Variants in MAP3K3 observed in about 807,000 individuals in gnomAD.
MAP3K3 encodes the protein mitogen-activated protein kinase kinase kinase 3.
Under a neutral mutation model 80.9 loss-of-function variants are expected in MAP3K3, and 12 were observed. The observed-to-expected ratio is 0.15, with a 90% CI of 0.10 to 0.24. MAP3K3 has a LOEUF of 0.24. MAP3K3 is among the 10% of genes least tolerant of loss of function. The probability of loss-of-function intolerance (pLI) is 1.00; values close to 1 mark genes in which losing one functional copy is unlikely to be tolerated. For missense variants in MAP3K3, 596 were observed against 834.7 expected (o/e 0.71, Z 3.52); for synonymous variants, 272 against 307.1 (o/e 0.89, Z 1.19).
At position 63,689,967 on chromosome 17, in the gene MAP3K3, A is replaced by G. The variant is rs886090626; in HGVS notation, c.1063+232A>G. The G allele has an allele frequency of 2.9e-5, 17 of 579,844 alleles. No homozygotes were observed. Among genetic ancestry groups the G allele is most frequent in the Middle Eastern group, 4.5e-4 (1 of 2,206 alleles). 35.9% of individuals were successfully genotyped at this position (579,844 alleles called of 1,614,324 possible). A position where few individuals can be genotyped will look rare whatever the true frequency, so the allele number is the denominator to read the frequency against. The stretch of plus-strand genomic sequence containing the variant: ...CCATGTTTAAACTAGGGAAGAGCAC[A>G]CCCTTCATCCCTGCCATATTAAGAT... On this transcript the variant is annotated intron_variant, in intron 11 of 15. Coordinates refer to ENST00000361733, the MANE Select transcript of MAP3K3 (RefSeq NM_002401.5). The surrounding 1 kb of genome is among the most constrained non-coding windows in gnomAD (Gnocchi z 4.3).
intron 8 of MAP3K3, 120 bp from the exon 9 acceptor site, chr17:63,688,407 C>T: frequency 3.8e-6 from 3 of 792,384 alleles, no homozygotes; most frequent in Non-Finnish European, 6.6e-6. Flanking sequence ...CTATTTCCCG[C>T]AAAATCTGCT....
At chr17:63,663,321 G>A (rs1008222131) in intron 5 of MAP3K3, among the ~76,000 whole-genome samples, 4 of 151,886 alleles carry the variant, frequency 2.6e-5, no homozygotes, top group African/African-American at 7.3e-5. Flanking sequence ...TGACCAACAT[G>A]GTGAAACCCT....
chr17:63,645,453 A>T (rs190646952), intron 2 of MAP3K3, among the ~76,000 whole-genome samples: 6 of 152,242 alleles, frequency 3.9e-5, no homozygotes, highest in African/African-American at 1.4e-4. Flanking sequence ...TGGGAAATCA[A>T]TGATAGTGGT....
chr17:63,685,683 TA>T (rs1373942264), intron 8 of MAP3K3, 93 bp downstream of exon 8: 7 of 962,404 alleles, frequency 7.3e-6, no homozygotes, highest in Non-Finnish European at 1.2e-5. Flanking sequence ...GGCCCAGGGT[TA>T]AAACATCATG....
At chr17:63,638,989 C>G (rs1458239879) in intron 2 of MAP3K3, among the ~76,000 whole-genome samples, 1 of 151,992 alleles carries the variant, frequency 6.6e-6, no homozygotes, top group African/African-American at 2.4e-5. Flanking sequence ...TCACTGCACT[C>G]CAGCCTGGGC....
intron 6 of MAP3K3, among the ~76,000 whole-genome samples, chr17:63,670,724 G>C (rs2035090733): frequency 6.6e-6 from 1 of 152,134 alleles, no homozygotes; most frequent in Non-Finnish European, 1.5e-5. Context: ...AGGGATGCAA[G>C]GAAGAGGGTT....
intron 4 of MAP3K3, among the ~76,000 whole-genome samples, chr17:63,656,304 A>G (rs2034766476): frequency 6.6e-6 from 1 of 151,948 alleles, no homozygotes; most frequent in South Asian, 2.1e-4. Flanking sequence ...TGTGTTTACC[A>G]TACGTGTATA....
chr17:63,651,302 A>G lies in MAP3K3; in HGVS notation c.168-1255A>G, dbSNP rs142871106. On this transcript the variant is annotated intron_variant, in intron 3 of 15. Coordinates refer to ENST00000361733, the MANE Select transcript of MAP3K3 (RefSeq NM_002401.5). ...GGTTTGAGATCAGCCTGGGCAACTT[A>G]TTGAGGCCCATCCCTACAAAAAATA... Among the ~76,000 whole-genome samples, 468 of 152,190 alleles carry G rather than the reference A, an allele frequency of 3.1e-3. 2 individuals carry two copies. The highest frequency in any genetic ancestry group is 0.011 in the African/African-American group (446 of 41,510).
At chr17:63,650,723 A>G (rs966811285) in intron 3 of MAP3K3, among the ~76,000 whole-genome samples, 13 of 127,192 alleles carry the variant, frequency 1.0e-4, no homozygotes, top group African/African-American at 4.0e-4. Flanking sequence ...ACAGGGTCTC[A>G]TTCTGTTGCC....
At chr17:63,633,631 T>C (rs1373456061) in intron 2 of MAP3K3, among the ~76,000 whole-genome samples, 1 of 152,244 alleles carries the variant, frequency 6.6e-6, no homozygotes, top group Non-Finnish European at 1.5e-5. Flanking sequence ...AAACATTGCC[T>C]ATTTTCCTTA....
At chr17:63,687,701 A>G (rs77375667) in intron 8 of MAP3K3, among the ~76,000 whole-genome samples, 2 of 150,504 alleles carry the variant, frequency 1.3e-5, no homozygotes, top group Non-Finnish European at 3.0e-5. Flanking sequence ...AAAAAAAAAA[A>G]GTCTGGGGCT....
rs943273891 is a variant in MAP3K3, at chr17:63,689,464, G to A, written c.872-80G>A. ...TGTATATTCCGCCTTGTAGCCCGGG[G>A]TGTCTCAGACCTGGTTTGTACGTTC... On this transcript the variant is annotated intron_variant, in intron 10 of 15. Coordinates refer to ENST00000361733, the MANE Select transcript of MAP3K3 (RefSeq NM_002401.5). The surrounding 1 kb of genome is among the most constrained non-coding windows in gnomAD (Gnocchi z 4.3). The A allele has an allele frequency of 4.8e-6, 6 of 1,244,308 alleles. No individual in the cohort carries two copies. In the South Asian group the frequency reaches 7.2e-5, roughly 15 times the overall value. The allele number at this position is 1,244,308 out of a possible 1,614,324, so 77.1% of individuals were successfully genotyped here.
At chr17:63,643,721 GACT>G (rs2034489845) in intron 2 of MAP3K3, among the ~76,000 whole-genome samples, 2 of 152,144 alleles carry the variant, frequency 1.3e-5, no homozygotes, top group Non-Finnish European at 2.9e-5. Context: ...GGGCAGACAG[GACT>G]ACAAACTTCA....
chr17:63,632,530 A>G (rs528932989), intron 1 of MAP3K3, 151 bp from the exon 2 acceptor site: 1 of 785,982 alleles, frequency 1.3e-6, no homozygotes, highest in Admixed American at 2.6e-5. Context: ...AAATTGCCAT[A>G]GTCTGACCTT....
chr17:63,631,379 G>A (rs1186738312), intron 1 of MAP3K3, among the ~76,000 whole-genome samples: 1 of 152,102 alleles, frequency 6.6e-6, no homozygotes, highest in African/African-American at 2.4e-5. Flanking sequence ...CTTTCCACAG[G>A]GTATTAGAAT....
chr17:63,671,980 C>G (rs1439621600), intron 6 of MAP3K3, among the ~76,000 whole-genome samples: 2 of 149,798 alleles, frequency 1.3e-5, no homozygotes, highest in Non-Finnish European at 1.5e-5. Flanking sequence ...GACCCAATAT[C>G]ATTTAAAAAA....
At chr17:63,659,980 C>T (rs527565829) in intron 5 of MAP3K3, among the ~76,000 whole-genome samples, 1 of 152,264 alleles carries the variant, frequency 6.6e-6, no homozygotes, top group Non-Finnish European at 1.5e-5. Context: ...AAAGGGCCCT[C>T]TCCATTTCTT....
intron 5 of MAP3K3, among the ~76,000 whole-genome samples, chr17:63,663,123 C>G (rs1300000717): frequency 6.6e-5 from 10 of 152,152 alleles, no homozygotes; most frequent in Non-Finnish European, 1.5e-5. Context: ...TTCCCTGCAG[C>G]TTTGAAGACA....
chr17:63,685,725 C>A, intron 8 of MAP3K3, 135 bp downstream of exon 8: 1 of 687,336 alleles, frequency 1.5e-6, no homozygotes, highest in South Asian at 1.6e-5. Flanking sequence ...CTTAATTTCC[C>A]CAACACCACG....
Sources: gnomAD v4.1 joint callset for allele counts (sites outside exome capture counted in the v4.1 genomes callset) on GRCh38, gnomAD v4.1.1 for gene constraint, Gnocchi (gnomAD v3.1) non-coding constraint, MANE v1.5 for transcripts, NCBI Gene and HGNC (gene_info 2026-07-23, HGNC 2026-07-21) for gene names.